PLPPR1: variants seen among roughly 807,000 people sequenced by gnomAD.
PLPPR1 encodes phospholipid phosphatase related 1.
PLPPR1 carries 10 observed loss-of-function variants against 33.1 expected under a neutral mutation model. The observed-to-expected ratio is 0.30, with a 90% CI of 0.19 to 0.51. The LOEUF is 0.51. PLPPR1 is among the 20% of genes least tolerant of loss of function. PLPPR1 has a pLI of 0.97. For synonymous variants in PLPPR1, 151 were observed against 151.0 expected, an observed-to-expected ratio of 1.00 and a Z score of 0.00; for missense variants, 304 against 408.1, an observed-to-expected ratio of 0.74 and a Z score of 2.20.
chr9:101,264,242 G>A (rs535391673), intron 2 of PLPPR1, among the ~76,000 whole-genome samples: 11 of 152,182 alleles, frequency 7.2e-5, no homozygotes, highest in African/African-American at 2.6e-4. Flanking sequence ...TCACAACCGT[G>A]TCAGTTCTTA....
At chr9:101,071,979 T>C (rs1830487109) in intron 1 of PLPPR1, among the ~76,000 whole-genome samples, 1 of 152,162 alleles carries the variant, frequency 6.6e-6, no homozygotes, top group African/African-American at 2.4e-5. Context: ...ATTCAGTGTA[T>C]CTATGAATCA....
chr9:101,049,901 A>C (rs1010619187), intron 1 of PLPPR1, among the ~76,000 whole-genome samples: 1 of 151,728 alleles, frequency 6.6e-6, no homozygotes, highest in Non-Finnish European at 1.5e-5. Context: ...TGAGGTGGGC[A>C]GATCACCTGA....
At chr9:101,053,764 T>C (rs1038891679) in intron 1 of PLPPR1, among the ~76,000 whole-genome samples, 2 of 152,190 alleles carry the variant, frequency 1.3e-5, no homozygotes, top group African/African-American at 4.8e-5. Context: ...TGAAGGATAG[T>C]CTGGGGCTTG....
chr9:101,305,818 C>T (rs1194505568), intron 4 of PLPPR1, among the ~76,000 whole-genome samples: 4 of 152,044 alleles, frequency 2.6e-5, no homozygotes, highest in Non-Finnish European at 1.5e-5. Flanking sequence ...GTGCTGAGTC[C>T]ATAGCAGGAA....
chr9:101,228,547 A>G (rs1012447026), intron 2 of PLPPR1, among the ~76,000 whole-genome samples: 3 of 152,300 alleles, frequency 2.0e-5, no homozygotes, highest in African/African-American at 7.2e-5. Flanking sequence ...ACAGACAAGA[A>G]GGAATTAAGT....
intron 1 of PLPPR1, among the ~76,000 whole-genome samples, chr9:101,047,739 G>A (rs1388264047): frequency 3.9e-5 from 6 of 152,080 alleles, no homozygotes; most frequent in Admixed American, 6.5e-5. Flanking sequence ...TATAATGCTC[G>A]TGTAATTTAT....
chr9:101,100,015 A>G (rs1311610572), intron 1 of PLPPR1, among the ~76,000 whole-genome samples: 4 of 152,118 alleles, frequency 2.6e-5, no homozygotes, highest in African/African-American at 9.7e-5. Context: ...GATTTGGGAA[A>G]AAAATGTGGT....
chr9:101,076,239 G>GGATCTGCT (rs1830535111), intron 1 of PLPPR1, among the ~76,000 whole-genome samples: 1 of 152,022 alleles, frequency 6.6e-6, no homozygotes, highest in Non-Finnish European at 1.5e-5. Flanking sequence ...GCTTAAGCTT[G>GGATCTGCT]GATCTGCTGA....
intron 1 of PLPPR1, among the ~76,000 whole-genome samples, chr9:101,033,394 A>C (rs1013635026): frequency 6.6e-6 from 1 of 152,170 alleles, no homozygotes; most frequent in African/African-American, 2.4e-5. Flanking sequence ...TTGGGGTGAC[A>C]CCAGAACATC....
At chr9:101,322,177 G>A (rs1438128529) in intron 7 of PLPPR1, among the ~76,000 whole-genome samples, 2 of 108,794 alleles carry the variant, frequency 1.8e-5, no homozygotes, top group African/African-American at 7.0e-5. Flanking sequence ...CAGCCTGGGG[G>A]ACAACAGCAA....
intron 5 of PLPPR1, among the ~76,000 whole-genome samples, chr9:101,311,640 T>C (rs1828958492): frequency 6.6e-6 from 1 of 152,236 alleles, no homozygotes. Context: ...TAACCAGTTT[T>C]ATAGGGAATC....
chr9:101,173,348 A>G (rs902180817), intron 1 of PLPPR1, among the ~76,000 whole-genome samples: 2 of 151,936 alleles, frequency 1.3e-5, no homozygotes, highest in Non-Finnish European at 2.9e-5. Context: ...ATTTTTACAT[A>G]TTTTTCATTT....
chr9:101,113,868 GTC>G (rs2118580805), intron 1 of PLPPR1, among the ~76,000 whole-genome samples: 1 of 152,232 alleles, frequency 6.6e-6, no homozygotes, highest in Non-Finnish European at 1.5e-5. Flanking sequence ...TTGTGCAGAA[GTC>G]TCTGCCCAGC....
rs377146543 is a variant in PLPPR1, at chr9:101,286,249, T to C, written c.385+13T>C. ...ATAAGATTCACAGGTGAGTACAAGA[T>C]GGTGCTGAACTAAGCTCTCACATAA... On this transcript the variant is annotated intron_variant, in intron 4 of 7. Coordinates refer to ENST00000374874, the MANE Select transcript of PLPPR1 (RefSeq NM_207299.2). 2 of 1,610,370 alleles carry C rather than the reference T, an allele frequency of 1.2e-6. No homozygotes were observed. Among genetic ancestry groups the C allele is most frequent in the African/African-American group, 2.7e-5 (2 of 74,784 alleles).
chr9:101,136,418 C>G (rs1831377483), intron 1 of PLPPR1, among the ~76,000 whole-genome samples: 2 of 152,184 alleles, frequency 1.3e-5, no homozygotes, highest in African/African-American at 2.4e-5. Flanking sequence ...CTTGTAGATT[C>G]TCTTTTGCTG....
intron 1 of PLPPR1, among the ~76,000 whole-genome samples, chr9:101,049,113 T>A (rs1830189393): frequency 6.6e-6 from 1 of 152,254 alleles, no homozygotes; most frequent in Admixed American, 6.5e-5. Flanking sequence ...TGCCCCTGTG[T>A]GTGGGAAAAC....
intron 3 of PLPPR1, among the ~76,000 whole-genome samples, chr9:101,277,929 C>A (rs1235508666): frequency 6.6e-6 from 1 of 152,138 alleles, no homozygotes; most frequent in African/African-American, 2.4e-5. Flanking sequence ...ATATTCAAAT[C>A]ATTAGAAAAA....
At chr9:101,299,645 C>A (rs925644517) in intron 4 of PLPPR1, among the ~76,000 whole-genome samples, 1 of 152,132 alleles carries the variant, frequency 6.6e-6, no homozygotes, top group African/African-American at 2.4e-5. Flanking sequence ...CTCCTTAGCT[C>A]TAGTGTTGAG....
chr9:101,314,735 C>CA (rs1019764626), intron 6 of PLPPR1, among the ~76,000 whole-genome samples: 2 of 137,920 alleles, frequency 1.5e-5, no homozygotes, highest in African/African-American at 5.8e-5. Context: ...ACAGTGTTGT[C>CA]AAAAAGCTTC....
Sources: gnomAD v4.1 joint callset for allele counts (sites outside exome capture counted in the v4.1 genomes callset) on GRCh38, gnomAD v4.1.1 for gene constraint, MANE v1.5 for transcripts, NCBI Gene and HGNC (gene_info 2026-07-23, HGNC 2026-07-21) for gene names.